Variants in PIBF1 observed in about 807,000 individuals in gnomAD.
PIBF1 encodes the protein progesterone immunomodulatory binding factor 1, also known as progesterone-induced-blocking factor 1.
Under a neutral mutation model 112.5 loss-of-function variants are expected in PIBF1, and 90 were observed. That is an observed-to-expected ratio of 0.80 (90% confidence interval 0.67 to 0.95). The LOEUF is 0.95. Ranked by LOEUF, PIBF1 falls within the 40% of genes least tolerant of loss-of-function variation. The pLI is 0.00. For missense variants in PIBF1, 915 were observed against 852.3 expected, an observed-to-expected ratio of 1.07 and a Z score of -0.92; for synonymous variants, 301 against 288.6, an observed-to-expected ratio of 1.04 and a Z score of -0.44.
intron 10 of PIBF1, among the ~76,000 whole-genome samples, chr13:72,863,066 A>T (rs907690431): frequency 2.6e-5 from 4 of 152,238 alleles, no homozygotes; most frequent in Admixed American, 2.6e-4. Context: ...GAAAGAATCA[A>T]TAGTTTTATG....
chr13:72,782,556 T>C (rs2034328321), intron 1 of PIBF1, among the ~76,000 whole-genome samples: 1 of 152,142 alleles, frequency 6.6e-6, no homozygotes, highest in Non-Finnish European at 1.5e-5. Flanking sequence ...TTAGTATAGT[T>C]CTCGCTGTTT....
chr13:73,004,511 A>AAAGAG (rs752165153), intron 17 of PIBF1, among the ~76,000 whole-genome samples: 24 of 151,936 alleles, frequency 1.6e-4, no homozygotes, highest in Non-Finnish European at 3.5e-4. Context: ...AAAAGAAAGA[A>AAAGAG]AAGAAAATGT....
chr13:72,835,154 T>C lies in PIBF1; in HGVS notation c.1098-89T>C, dbSNP rs115202422. 1.8e-3 allele frequency: 1,535 copies of C among 853,986 alleles called. 18 individuals are homozygous for C. The African/African-American group carries it at 0.025, about 14-fold the overall frequency. 52.9% of individuals were successfully genotyped at this position (853,986 alleles called of 1,614,324 possible). ...GGTAACACAGTTTATAGAGCATACTTGATAAAAGGTATTAAAATCTTACGT... is the reference window on the plus strand; with the variant it reads ...GGTAACACAGTTTATAGAGCATACTCGATAAAAGGTATTAAAATCTTACGT... On this transcript the variant is annotated intron_variant, in intron 8 of 17. Coordinates refer to ENST00000326291, the MANE Select transcript of PIBF1 (RefSeq NM_006346.4).
chr13:72,985,371 CAAAAAA>C (rs67195605), intron 16 of PIBF1, among the ~76,000 whole-genome samples: 2 of 76,284 alleles, frequency 2.6e-5, no homozygotes, highest in Non-Finnish European at 4.6e-5. Context: ...ACTAAAAATA[CAAAAAA>C]AAAAAAAAAA....
intron 14 of PIBF1, among the ~76,000 whole-genome samples, chr13:72,931,938 C>CTTTTTTTTTTTTTTTTTTTT (rs59274277): frequency 6.0e-5 from 6 of 100,838 alleles, no homozygotes; most frequent in Admixed American, 1.2e-4. Context: ...TTGTTTCTTT[C>CTTTTTTTTTTTTTTTTTTTT]TTTTTTTTTT....
chr13:72,937,573 A>G (rs1194327163), intron 14 of PIBF1, among the ~76,000 whole-genome samples: 1 of 152,080 alleles, frequency 6.6e-6, no homozygotes, highest in Non-Finnish European at 1.5e-5. Context: ...TAATCCTAGC[A>G]CTTTGAGAGG....
intron 8 of PIBF1, among the ~76,000 whole-genome samples, chr13:72,828,700 G>A (rs1253286577): frequency 3.9e-5 from 6 of 152,072 alleles, no homozygotes; most frequent in Non-Finnish European, 5.9e-5. Flanking sequence ...CATTTGGGTC[G>A]GTTCCAAGTC....
At chr13:72,843,438 T>C (rs2037699102) in intron 9 of PIBF1, among the ~76,000 whole-genome samples, 1 of 151,950 alleles carries the variant, frequency 6.6e-6, no homozygotes, top group Non-Finnish European at 1.5e-5. Flanking sequence ...TGAGACAGAG[T>C]TTTGCTCTTG....
At chr13:72,797,727 G>A (rs1320293709) in intron 4 of PIBF1, among the ~76,000 whole-genome samples, 180 bp from the exon 5 acceptor site, 2 of 152,092 alleles carry the variant, frequency 1.3e-5, no homozygotes, top group Non-Finnish European at 2.9e-5. Context: ...GGCCCTTGAG[G>A]GAAGTTAATT....
At position 72,807,636 on chromosome 13, in the gene PIBF1, G is replaced by A. The variant is rs12874861; in HGVS notation, c.672+9610G>A. On this transcript the variant is annotated intron_variant, in intron 5 of 17. Coordinates refer to ENST00000326291, the MANE Select transcript of PIBF1 (RefSeq NM_006346.4). The stretch of plus-strand genomic sequence containing the variant: ...CACAAAGTATAATCTCAAGTTTGTA[G>A]ACAGTAAAGTTTTTCTGAGCAGTGG... Among the ~76,000 whole-genome samples the A allele has an allele frequency of 6.6e-4, 101 of 152,286 alleles. No homozygotes were observed. In the Middle Eastern group the frequency reaches 0.017, roughly 26 times the overall value.
intron 17 of PIBF1, among the ~76,000 whole-genome samples, chr13:73,004,616 T>C (rs935466640): frequency 1.3e-5 from 2 of 152,248 alleles, no homozygotes; most frequent in African/African-American, 4.8e-5. Context: ...CTTTATTCCT[T>C]TCTTACTATA....
At chr13:72,919,830 A>G (rs1353114436) in intron 13 of PIBF1, among the ~76,000 whole-genome samples, 1 of 152,070 alleles carries the variant, frequency 6.6e-6, no homozygotes, top group East Asian at 1.9e-4. Flanking sequence ...TTAGCTGGGC[A>G]TGGGGACATC....
At chr13:72,942,851 A>G (rs2042048852) in intron 14 of PIBF1, among the ~76,000 whole-genome samples, 1 of 152,000 alleles carries the variant, frequency 6.6e-6, no homozygotes, top group African/African-American at 2.4e-5. Flanking sequence ...AAATACAAAA[A>G]TCATCCGGGT....
chr13:72,818,647 C>G (rs1408939188), intron 5 of PIBF1, among the ~76,000 whole-genome samples: 1 of 135,670 alleles, frequency 7.4e-6, no homozygotes, highest in Non-Finnish European at 1.6e-5. Flanking sequence ...AATTTATTTT[C>G]TTCCCTTGCC....
In PIBF1 at chr13:72,827,674, C is replaced by T. The variant is rs1431137790; in HGVS notation, c.916-59C>T. 3 of 1,032,942 alleles carry T rather than the reference C, an allele frequency of 2.9e-6. No individual in the cohort carries two copies. In the Admixed American group the frequency reaches 8.6e-5, roughly 30 times the overall value. The allele number at this position is 1,032,942 out of a possible 1,614,324, so 64.0% of individuals were successfully genotyped here. On this transcript the variant is annotated intron_variant, in intron 7 of 17. Transcript: ENST00000326291. ...CATGAAGGAAAGAAATTAATACAGTCAAGCTTGAAAAGTAAGATGGCATCA... is the reference window on the plus strand; with the variant it reads ...CATGAAGGAAAGAAATTAATACAGTTAAGCTTGAAAAGTAAGATGGCATCA...
intron 13 of PIBF1, among the ~76,000 whole-genome samples, chr13:72,930,769 C>T (rs543726254): frequency 6.6e-6 from 1 of 152,190 alleles, no homozygotes; most frequent in South Asian, 2.1e-4. Context: ...AAGTGATAAG[C>T]TAATTATTGT....
chr13:72,996,280 A>C (rs1324487160), intron 16 of PIBF1, among the ~76,000 whole-genome samples: 1 of 148,936 alleles, frequency 6.7e-6, no homozygotes, highest in African/African-American at 2.6e-5. Context: ...AAAAAAAAAA[A>C]AAACTGCTCA....
At chr13:72,810,604 T>C (rs917654488) in intron 5 of PIBF1, among the ~76,000 whole-genome samples, 1 of 152,316 alleles carries the variant, frequency 6.6e-6, no homozygotes. Flanking sequence ...TTTTATATTT[T>C]AGGGAGTGTT....
At chr13:72,837,791 A>G (rs1273059514) in intron 9 of PIBF1, among the ~76,000 whole-genome samples, 2 of 134,024 alleles carry the variant, frequency 1.5e-5, no homozygotes, top group Non-Finnish European at 3.6e-5. Flanking sequence ...GTATACACAT[A>G]TATTTTTGTG....
Sources: allele counts gnomAD v4.1 joint callset (sites outside exome capture counted in the v4.1 genomes callset), GRCh38; gene constraint gnomAD v4.1.1; transcripts MANE v1.5; gene names NCBI Gene and HGNC (gene_info 2026-07-23, HGNC 2026-07-21).